CNTNAP5: variants seen among roughly 807,000 people sequenced by gnomAD.
The protein encoded by CNTNAP5 is contactin-associated protein-like 5.
Under a neutral mutation model 150.2 loss-of-function variants are expected in CNTNAP5, and 72 were observed. That is an observed-to-expected ratio of 0.48 (90% CI 0.40 to 0.58). CNTNAP5 has a LOEUF of 0.58. Ranked by LOEUF, CNTNAP5 falls within the 20% of genes least tolerant of loss-of-function variation. The pLI is 0.00. For synonymous variants in CNTNAP5, 672 were observed against 619.8 expected, an observed-to-expected ratio of 1.08 and a Z score of -1.25; for missense variants, 1,636 against 1,626.2, an observed-to-expected ratio of 1.01 and a Z score of -0.10.
intron 1 of CNTNAP5, among the ~76,000 whole-genome samples, chr2:124,136,721 C>T (rs1185650034): frequency 2.6e-5 from 4 of 152,094 alleles, no homozygotes; most frequent in African/African-American, 9.7e-5. Flanking sequence ...GTAGAGTTAA[C>T]AAGACTAGGG....
intron 13 of CNTNAP5, among the ~76,000 whole-genome samples, chr2:124,664,507 CAGCACCCGGAGTGAT>C (rs1355010581): frequency 6.6e-6 from 1 of 152,070 alleles, no homozygotes; most frequent in Non-Finnish European, 1.5e-5. Context: ...TTTCTCCTCC[CAGCACCCGGAGTGAT>C]AGAGTAGCAC....
Position 124,716,709 on chromosome 2 carries a change from AAC to A in CNTNAP5, c.2078-30516_2078-30515del, listed in dbSNP as rs1180801715. Among the ~76,000 whole-genome samples, 5 of 152,162 alleles carry A rather than the reference AAC, an allele frequency of 3.3e-5. No homozygotes were observed. The East Asian group carries it at 9.7e-4, about 29-fold the overall frequency. On this transcript the variant is annotated intron_variant, in intron 13 of 23. Coordinates refer to ENST00000682447, the MANE Select transcript of CNTNAP5 (RefSeq NM_001367498.1). The stretch of plus-strand genomic sequence containing the variant: ...GATGCCTAAGAGAATAGAAGACAAA[AAC>A]ACATATTTTTAGAATAGGCAACTGC...
chr2:124,447,084 T>A, intron 6 of CNTNAP5, 147 bp downstream of exon 6: 4 of 734,070 alleles, frequency 5.4e-6, no homozygotes, highest in Non-Finnish European at 8.8e-6. Flanking sequence ...TGCCAGATAG[T>A]CAACAAGGAA....
intron 13 of CNTNAP5, among the ~76,000 whole-genome samples, chr2:124,719,150 T>C (rs946405566): frequency 6.6e-6 from 1 of 152,128 alleles, no homozygotes; most frequent in Non-Finnish European, 1.5e-5. Flanking sequence ...ATACTTTGTA[T>C]TAATTGTGCA....
intron 13 of CNTNAP5, among the ~76,000 whole-genome samples, chr2:124,692,848 G>C (rs979139337): frequency 6.6e-6 from 1 of 152,124 alleles, no homozygotes; most frequent in African/African-American, 2.4e-5. Flanking sequence ...CCAGGAGAAT[G>C]AGCGCCAATG....
chr2:124,681,631 T>C (rs1679070718), intron 13 of CNTNAP5, among the ~76,000 whole-genome samples: 1 of 152,232 alleles, frequency 6.6e-6, no homozygotes, highest in Non-Finnish European at 1.5e-5. Context: ...TGCTACGATC[T>C]CTGCTCACTG....
At chr2:124,298,414 C>A (rs963881504) in intron 3 of CNTNAP5, among the ~76,000 whole-genome samples, 1 of 152,104 alleles carries the variant, frequency 6.6e-6, no homozygotes, top group Admixed American at 6.6e-5. Context: ...CAGACCAACT[C>A]AAAATTACGA....
intron 12 of CNTNAP5, among the ~76,000 whole-genome samples, chr2:124,625,392 G>A (rs969771985): frequency 2.0e-5 from 3 of 152,210 alleles, no homozygotes; most frequent in South Asian, 2.1e-4. Flanking sequence ...TATTTTCTAG[G>A]CCTATTCCCA....
At chr2:124,528,348 T>G (rs987578870) in intron 10 of CNTNAP5, among the ~76,000 whole-genome samples, 1 of 152,180 alleles carries the variant, frequency 6.6e-6, no homozygotes, top group African/African-American at 2.4e-5. Context: ...AGTCTGACCC[T>G]GAGAATGAGT....
rs1298492712 is a variant in CNTNAP5, at chr2:124,916,772, C to T, written c.*2484C>T. Among the ~76,000 whole-genome samples the T allele has an allele frequency of 3.3e-5, 5 of 151,976 alleles. No homozygotes were observed. The highest frequency in any genetic ancestry group is 7.4e-5 in the Non-Finnish European group (5 of 67,982). Reference sequence around the variant, plus strand: ...CTCACGTGTGTAGACTCCATGCACACTACATACCACAGACCTAAATGTAGA... The same window carrying T: ...CTCACGTGTGTAGACTCCATGCACATTACATACCACAGACCTAAATGTAGA... On this transcript the variant is annotated 3_prime_UTR_variant, in exon 24 of 24. Coordinates refer to ENST00000682447, the MANE Select transcript of CNTNAP5 (RefSeq NM_001367498.1).
chr2:124,286,150 G>T (rs1431803231), intron 3 of CNTNAP5, among the ~76,000 whole-genome samples: 1 of 152,178 alleles, frequency 6.6e-6, no homozygotes, highest in African/African-American at 2.4e-5. Context: ...AAGCCGGAAA[G>T]GTAAAATGAT....
At chr2:124,723,796 A>T (rs557414552) in intron 13 of CNTNAP5, among the ~76,000 whole-genome samples, 1 of 152,202 alleles carries the variant, frequency 6.6e-6, no homozygotes, top group East Asian at 1.9e-4. Flanking sequence ...ACACGAGCCA[A>T]ATTGGATTTG....
At chr2:124,269,106 G>A (rs1028144520) in intron 3 of CNTNAP5, among the ~76,000 whole-genome samples, 45 of 152,092 alleles carry the variant, frequency 3.0e-4, no homozygotes, top group African/African-American at 1.0e-3. Flanking sequence ...CCTGGGCATT[G>A]TGATTGAAAG....
At chr2:124,454,848 C>G (rs1022648611) in intron 6 of CNTNAP5, among the ~76,000 whole-genome samples, 2 of 151,910 alleles carry the variant, frequency 1.3e-5, no homozygotes, top group African/African-American at 4.8e-5. Context: ...AACTGAATGA[C>G]AGTAGTCATT....
At chr2:124,793,813 A>C (rs1412877737) in intron 18 of CNTNAP5, among the ~76,000 whole-genome samples, 2 of 152,184 alleles carry the variant, frequency 1.3e-5, no homozygotes, top group African/African-American at 4.8e-5. Flanking sequence ...ACACACCATT[A>C]ATAAAGAACT....
At chr2:124,269,201 A>T (rs1039232699) in intron 3 of CNTNAP5, among the ~76,000 whole-genome samples, 2 of 152,140 alleles carry the variant, frequency 1.3e-5, no homozygotes, top group African/African-American at 4.8e-5. Context: ...TTTTAAATGA[A>T]AACCTAAGAA....
At chr2:124,715,296 C>G (rs947274464) in intron 13 of CNTNAP5, among the ~76,000 whole-genome samples, 1 of 152,138 alleles carries the variant, frequency 6.6e-6, no homozygotes, top group African/African-American at 2.4e-5. Flanking sequence ...GATCTTGTTA[C>G]TTAGAAAACC....
At chr2:124,456,023 C>G (rs951036113) in intron 6 of CNTNAP5, among the ~76,000 whole-genome samples, 7 of 152,114 alleles carry the variant, frequency 4.6e-5, no homozygotes, top group African/African-American at 9.7e-5. Flanking sequence ...GATGCCCGCT[C>G]TCACCACTCC....
At chr2:124,757,054 C>A (rs1310625188) in intron 14 of CNTNAP5, among the ~76,000 whole-genome samples, 1 of 152,134 alleles carries the variant, frequency 6.6e-6, no homozygotes, top group African/African-American at 2.4e-5. Flanking sequence ...CACCAAACTT[C>A]GAGTGGAGTA....
Sources: allele counts gnomAD v4.1 joint callset (sites outside exome capture counted in the v4.1 genomes callset), GRCh38; gene constraint gnomAD v4.1.1; transcripts MANE v1.5; gene names NCBI Gene and HGNC (gene_info 2026-07-23, HGNC 2026-07-21).